The following MLN variants were observed in gnomAD, a reference collection of about 807,000 sequenced individuals.
MLN encodes the protein promotilin.
A neutral mutation model predicts 13.3 loss-of-function variants in MLN; 14 were observed. The observed-to-expected ratio is 1.05, with a 90% CI of 0.69 to 1.64. MLN has a LOEUF of 1.64. Ranked by LOEUF, MLN falls within the 40% of genes most tolerant of loss-of-function variation. The probability of loss-of-function intolerance (pLI) is 0.00; values close to 1 mark genes in which losing one functional copy is unlikely to be tolerated. For missense variants in MLN, 122 were observed against 142.9 expected, an observed-to-expected ratio of 0.85 and a Z score of 0.75; for synonymous variants, 59 against 54.7, an observed-to-expected ratio of 1.08 and a Z score of -0.34.
rs921462023 is a variant in MLN at position 33,803,611 on chromosome 6, T to A, written c.-8+342A>T. 3.3e-5 allele frequency among the ~76,000 whole-genome samples: 5 copies of A among 152,180 alleles called. No individual in the cohort carries two copies. Among genetic ancestry groups the A allele is most frequent in the Admixed American group, 3.3e-4 (5 of 15,288 alleles). On this transcript the variant is annotated intron_variant, in intron 1 of 4. Coordinates refer to ENST00000430124, the MANE Select transcript of MLN (RefSeq NM_002418.3). This position sits in a 1 kb window ranked among gnomAD's most constrained non-coding sequence, Gnocchi z 4.5. ...ATGAGCCACTGCAGGGCCAAATTTT[T>A]CTTACCTTTCCAGAGCAAAGCCACC...
chr6:33,795,485 T>C lies in MLN; in HGVS notation c.337+18A>G. On this transcript the variant is annotated intron_variant, in intron 4 of 4. Coordinates refer to ENST00000430124, the MANE Select transcript of MLN (RefSeq NM_002418.3). ...GCGGAGGCCGGCCAAGCCACAGAGA[T>C]GCCCGCCCTCCCCGTACCATGCTGG... The C allele has an allele frequency of 6.4e-7, 1 of 1,550,574 alleles. No homozygotes were observed. Among genetic ancestry groups the C allele is most frequent in the East Asian group, 2.4e-5 (1 of 41,538 alleles).
At position 33,801,164 on chromosome 6, in the gene MLN, C is replaced by G. The variant is rs1464946689; in HGVS notation, c.-1G>C. ...CAGCCACAGCCTTACGGGATACCATCTTGGAGCTGGACAATGACAAGGAGC... is the reference window on the plus strand; with the variant it reads ...CAGCCACAGCCTTACGGGATACCATGTTGGAGCTGGACAATGACAAGGAGC... On this transcript the variant is annotated 5_prime_UTR_variant, in exon 2 of 5. Coordinates refer to ENST00000430124, the MANE Select transcript of MLN (RefSeq NM_002418.3). 1 of 1,611,642 alleles carries G rather than the reference C, an allele frequency of 6.2e-7. No individual in the cohort carries two copies. Among genetic ancestry groups the G allele is most frequent in the Admixed American group, 1.7e-5 (1 of 60,024 alleles).
chr6:33,797,691 C>G (rs186294097), intron 3 of MLN, among the ~76,000 whole-genome samples: 1 of 152,002 alleles, frequency 6.6e-6, no homozygotes, highest in African/African-American at 2.4e-5. Flanking sequence ...CAAGACCGCC[C>G]GAGGCCGAAC....
Position 33,803,259 on chromosome 6 carries a change from C to G in MLN, c.-8+694G>C, listed in dbSNP as rs1196341056. 6.6e-6 allele frequency among the ~76,000 whole-genome samples: 1 copy of G among 152,040 alleles called. No individual in the cohort carries two copies. The highest frequency in any genetic ancestry group is 1.5e-5 in the Non-Finnish European group (1 of 67,996). On this transcript the variant is annotated intron_variant, in intron 1 of 4. Coordinates refer to ENST00000430124, the MANE Select transcript of MLN (RefSeq NM_002418.3). The surrounding 1 kb of genome is among the most constrained non-coding windows in gnomAD (Gnocchi z 4.5). ...CCTGGCCGGGCTAGCCTTGCCTCCC[C>G]ATGTGCTCTCCCTCGGGGTCAACTT...
intron 1 of MLN, among the ~76,000 whole-genome samples, chr6:33,802,220 G>A (rs893352490): frequency 1.5e-4 from 23 of 152,192 alleles, no homozygotes; most frequent in Admixed American, 1.5e-3. Flanking sequence ...CAGGGGGCAG[G>A]CCTGTTGAAT....
Position 33,799,042 on chromosome 6 carries a change from G to T in MLN, c.234+63C>A. ...TGTGGCTTGTGGGCTCTGCCTCCAG[G>T]CCAGGCAGGGGAATGCATGCCCTGC... is the stretch of plus-strand genomic sequence containing the variant. On this transcript the variant is annotated intron_variant, in intron 3 of 4. Transcript: ENST00000430124. This position sits in a 1 kb window ranked among gnomAD's most constrained non-coding sequence, Gnocchi z 4.6. The T allele has an allele frequency of 1.7e-6, 2 of 1,199,186 alleles. No homozygotes were observed. The highest frequency in any genetic ancestry group is 2.4e-6 in the Non-Finnish European group (2 of 820,406). 74.3% of individuals were successfully genotyped at this position (1,199,186 alleles called of 1,614,324 possible).
rs1024626640 is a variant in MLN at position 33,803,492 on chromosome 6, G to C, written c.-8+461C>G. ...ATGGCTAATTTTTGTATTTTTAGTA[G>C]AGACAGGGTGTCACCATATTGGCCT... On this transcript the variant is annotated intron_variant, in intron 1 of 4. Transcript: ENST00000430124. The surrounding 1 kb of genome is among the most constrained non-coding windows in gnomAD (Gnocchi z 4.5). Among the ~76,000 whole-genome samples, 1 of 151,976 alleles carries C rather than the reference G, an allele frequency of 6.6e-6. No individual in the cohort carries two copies. Among genetic ancestry groups the C allele is most frequent in the South Asian group, 2.1e-4 (1 of 4,814 alleles).
At chr6:33,798,540 C>G (rs567987403) in intron 3 of MLN, among the ~76,000 whole-genome samples, 1 of 152,334 alleles carries the variant, frequency 6.6e-6, no homozygotes, top group South Asian at 2.1e-4. Flanking sequence ...TGTAGCGCCT[C>G]CTGCCTGGCT....
intron 3 of MLN, among the ~76,000 whole-genome samples, chr6:33,797,342 C>G (rs1767949761): frequency 6.6e-6 from 1 of 152,340 alleles, no homozygotes; most frequent in East Asian, 1.9e-4. Flanking sequence ...TCCCTCTAAC[C>G]ACGGATGACT....
intron 4 of MLN, 23 bp from the exon 5 acceptor site, chr6:33,794,858 G>C: frequency 6.2e-7 from 1 of 1,613,414 alleles, no homozygotes; most frequent in Non-Finnish European, 8.5e-7. Context: ...AGAGGTTTGC[G>C]CTCAGTACCA....
At chr6:33,798,479 T>G (rs1767973136) in intron 3 of MLN, among the ~76,000 whole-genome samples, 1 of 151,872 alleles carries the variant, frequency 6.6e-6, no homozygotes, top group African/African-American at 2.4e-5. Flanking sequence ...CTCCTGGGTT[T>G]CTGTCTGGGA....
intron 2 of MLN, among the ~76,000 whole-genome samples, chr6:33,800,089 A>G (rs1768009537): frequency 6.6e-6 from 1 of 152,202 alleles, no homozygotes; most frequent in Non-Finnish European, 1.5e-5. Context: ...GCCTCTAAAA[A>G]GAGCCCTGTT....
At chr6:33,801,480 G>A (rs2127388862) in intron 1 of MLN, among the ~76,000 whole-genome samples, 1 of 152,304 alleles carries the variant, frequency 6.6e-6, no homozygotes, top group East Asian at 1.9e-4. Context: ...AGGTCTTCTG[G>A]GGTCAGCTGG....
intron 4 of MLN, 41 bp downstream of exon 4, chr6:33,795,462 G>C (rs756597061): frequency 6.7e-7 from 1 of 1,503,584 alleles, no homozygotes; most frequent in South Asian, 1.2e-5. Context: ...CAGGGTGGGC[G>C]GAGGCCGGCC....
rs1281886524 is a variant in MLN at position 33,803,369 on chromosome 6, G to A, written c.-8+584C>T. ...GTCTCCCAGGCTAGAGTGCAGTGGC[G>A]CGATCTCGGCTCACTGCAACCTCTG... is the stretch of plus-strand genomic sequence containing the variant. On this transcript the variant is annotated intron_variant, in intron 1 of 4. Transcript: ENST00000430124. The surrounding 1 kb of genome is among the most constrained non-coding windows in gnomAD (Gnocchi z 4.5). 3.3e-5 allele frequency among the ~76,000 whole-genome samples: 5 copies of A among 149,984 alleles called. No individual in the cohort carries two copies. The highest frequency in any genetic ancestry group is 5.9e-5 in the Non-Finnish European group (4 of 67,668).
chr6:33,796,402 C>T (rs1767924579), intron 3 of MLN, among the ~76,000 whole-genome samples: 1 of 152,216 alleles, frequency 6.6e-6, no homozygotes, highest in South Asian at 2.1e-4. Flanking sequence ...TACCTTTCCT[C>T]TTGTTGTCTG....
In MLN at chr6:33,794,703, G is replaced by A; in HGVS notation, c.*122C>T. The A allele has an allele frequency of 1.9e-6, 2 of 1,058,570 alleles. No homozygotes were observed. Among genetic ancestry groups the A allele is most frequent in the Non-Finnish European group, 2.7e-6 (2 of 737,676 alleles). 65.6% of individuals were successfully genotyped at this position (1,058,570 alleles called of 1,614,324 possible). A position where few individuals can be genotyped will look rare whatever the true frequency, so the allele number is the denominator to read the frequency against. On this transcript the variant is annotated 3_prime_UTR_variant, in exon 5 of 5. Coordinates refer to ENST00000430124, the MANE Select transcript of MLN (RefSeq NM_002418.3). ...ATTTCATGCTTTATTTGCTGGAGGG[G>A]AATTTGCTTTGGAAAGGGTGTTTTC...
intron 3 of MLN, 64 bp from the exon 4 acceptor site, chr6:33,795,669 A>T: frequency 1.4e-6 from 2 of 1,404,672 alleles, no homozygotes; most frequent in Non-Finnish European, 2.0e-6. Flanking sequence ...CCCTGGGTGC[A>T]CTACAGGTGG....
At chr6:33,798,641 C>G (rs894163864) in intron 3 of MLN, among the ~76,000 whole-genome samples, 1 of 152,222 alleles carries the variant, frequency 6.6e-6, no homozygotes, top group Non-Finnish European at 1.5e-5. Context: ...CAGGCCCTGC[C>G]TGGGCTGGCC....
Sources: gnomAD v4.1 joint callset for allele counts (sites outside exome capture counted in the v4.1 genomes callset) on GRCh38, gnomAD v4.1.1 for gene constraint, Gnocchi (gnomAD v3.1) non-coding constraint, MANE v1.5 for transcripts, NCBI Gene and HGNC (gene_info 2026-07-23, HGNC 2026-07-21) for gene names.